Variants in SCFD2 observed in about 807,000 individuals in gnomAD.
The protein encoded by SCFD2 is sec1 family domain containing 2, also known as sec1 family domain-containing protein 2.
A neutral mutation model predicts 58.9 loss-of-function variants in SCFD2; 54 were observed. That is an observed-to-expected ratio of 0.92 (90% confidence interval 0.74 to 1.15). SCFD2 has a LOEUF of 1.15. Ranked by LOEUF, SCFD2 falls within the 50% of genes most tolerant of loss-of-function variation. The pLI, the probability that SCFD2 is intolerant of heterozygous loss-of-function variation, is 0.00. For missense variants in SCFD2, 805 were observed against 836.6 expected (o/e 0.96, Z 0.47); for synonymous variants, 321 against 335.9 (o/e 0.96, Z 0.49).
intron 5 of SCFD2, among the ~76,000 whole-genome samples, chr4:52,938,213 T>C (rs1470210201): frequency 6.6e-6 from 1 of 152,220 alleles, no homozygotes; most frequent in African/African-American, 2.4e-5. Flanking sequence ...CTCAGAGCTG[T>C]TCTATGAAGT....
At chr4:53,296,985 G>A (rs114046431) in intron 3 of SCFD2, among the ~76,000 whole-genome samples, 11,123 of 152,114 alleles carry the variant, frequency 0.073, 619 homozygotes, top group East Asian at 0.22. Context: ...TAATTTGATC[G>A]TACTGTGGTC....
chr4:53,143,173 A>G (rs1160260766), intron 5 of SCFD2, among the ~76,000 whole-genome samples: 1 of 152,240 alleles, frequency 6.6e-6, no homozygotes, highest in Non-Finnish European at 1.5e-5. Context: ...CCTTGAGTGA[A>G]TATCAAATGA....
chr4:53,110,034 G>A (rs894458221), intron 5 of SCFD2, among the ~76,000 whole-genome samples: 2 of 80,732 alleles, frequency 2.5e-5, no homozygotes, highest in Non-Finnish European at 5.9e-5. Context: ...CAGATATACA[G>A]ACCAATGGAA....
chr4:53,317,381 A>G (rs7685118), intron 2 of SCFD2, among the ~76,000 whole-genome samples: 151,292 of 152,280 alleles, frequency 0.99, 75,161 homozygotes, highest in Middle Eastern at 1. Context: ...ATTCACACAC[A>G]TACACCTATA....
At chr4:53,031,088 T>C (rs894615923) in intron 5 of SCFD2, among the ~76,000 whole-genome samples, 10 of 152,162 alleles carry the variant, frequency 6.6e-5, no homozygotes, top group Admixed American at 5.9e-4. Flanking sequence ...CAGAGGAAAG[T>C]CAGCAATCTT....
chr4:53,353,264 G>A (rs1252548543), intron 1 of SCFD2, among the ~76,000 whole-genome samples: 2 of 151,936 alleles, frequency 1.3e-5, no homozygotes, highest in Non-Finnish European at 2.9e-5. Flanking sequence ...GGAGTTGTTC[G>A]TTCCTCTCCT....
chr4:52,910,269 G>A (rs532763009), intron 6 of SCFD2, among the ~76,000 whole-genome samples: 1 of 152,288 alleles, frequency 6.6e-6, no homozygotes, highest in East Asian at 1.9e-4. Flanking sequence ...CTTCTCTGCT[G>A]GCTGGAATGT....
intron 5 of SCFD2, among the ~76,000 whole-genome samples, chr4:53,137,493 G>A (rs1725977683): frequency 6.6e-6 from 1 of 152,194 alleles, no homozygotes; most frequent in African/African-American, 2.4e-5. Flanking sequence ...ATACAACTGG[G>A]TATCCTAATG....
intron 3 of SCFD2, among the ~76,000 whole-genome samples, chr4:53,297,392 G>A (rs967692427): frequency 6.6e-6 from 1 of 151,846 alleles, no homozygotes; most frequent in Non-Finnish European, 1.5e-5. Flanking sequence ...ATTATGTAAT[G>A]CCCTTCTTCG....
chr4:53,305,866 T>G (rs567634182), intron 3 of SCFD2, among the ~76,000 whole-genome samples: 56 of 152,222 alleles, frequency 3.7e-4, no homozygotes, highest in Non-Finnish European at 7.6e-4. Flanking sequence ...TCAGTGTCAC[T>G]CTTGGATTCC....
At chr4:52,887,371 A>T (rs548843336) in intron 7 of SCFD2, among the ~76,000 whole-genome samples, 14 of 152,332 alleles carry the variant, frequency 9.2e-5, no homozygotes, top group Admixed American at 4.6e-4. Context: ...ATATTCTTAT[A>T]TACTAAAATG....
At chr4:53,097,049 G>C (rs1724671718) in intron 5 of SCFD2, among the ~76,000 whole-genome samples, 1 of 151,792 alleles carries the variant, frequency 6.6e-6, no homozygotes, top group Non-Finnish European at 1.5e-5. Flanking sequence ...ATTTCTGAGG[G>C]ATCTGTTCTG....
At chr4:53,027,853 TAAAG>T (rs923221524) in intron 5 of SCFD2, among the ~76,000 whole-genome samples, 1 of 150,434 alleles carries the variant, frequency 6.6e-6, no homozygotes, top group African/African-American at 2.4e-5. Flanking sequence ...AGAAAAACAA[TAAAG>T]AAAGAAAGTA....
chr4:53,220,236 A>G (rs942657820), intron 4 of SCFD2, among the ~76,000 whole-genome samples: 15 of 152,222 alleles, frequency 9.9e-5, no homozygotes, highest in African/African-American at 3.6e-4. Flanking sequence ...TGAAGAGCCA[A>G]TACAGCAAGG....
chr4:52,972,535 C>T (rs1378101364), intron 5 of SCFD2, among the ~76,000 whole-genome samples: 2 of 152,144 alleles, frequency 1.3e-5, no homozygotes, highest in Non-Finnish European at 2.9e-5. Context: ...TAGAGACCTA[C>T]AAAGAGACTT....
intron 4 of SCFD2, among the ~76,000 whole-genome samples, chr4:53,228,550 T>C (rs916374108): frequency 2.0e-5 from 3 of 152,032 alleles, no homozygotes; most frequent in East Asian, 1.9e-4. Flanking sequence ...AAATAAGATA[T>C]GCTTTGACAA....
At chr4:53,120,240 C>A (rs188120217) in intron 5 of SCFD2, among the ~76,000 whole-genome samples, 2 of 152,242 alleles carry the variant, frequency 1.3e-5, no homozygotes, top group Admixed American at 1.3e-4. Flanking sequence ...TTCTTAGTGG[C>A]ACATTTTTAT....
rs1577810644 is a variant in SCFD2 at position 53,180,303 on chromosome 4, C to G, written c.1312-34721G>C. 3.3e-5 allele frequency among the ~76,000 whole-genome samples: 5 copies of G among 152,318 alleles called. No homozygotes were observed. In the South Asian group the frequency reaches 1.0e-3, roughly 32 times the overall value. On this transcript the variant is annotated intron_variant, in intron 4 of 8. Transcript: ENST00000401642. ...GAACAGAAATTATAATAAACTGTCT[C>G]TCAGACCACAGTGCAATCAAACTAG...
chr4:53,151,900 G>A (rs552888003), intron 4 of SCFD2, among the ~76,000 whole-genome samples: 1 of 152,298 alleles, frequency 6.6e-6, no homozygotes, highest in South Asian at 2.1e-4. Context: ...CACATGATAA[G>A]AGAGAGCAAG....
Sources: gnomAD v4.1 joint callset for allele counts (sites outside exome capture counted in the v4.1 genomes callset) on GRCh38, gnomAD v4.1.1 for gene constraint, MANE v1.5 for transcripts, NCBI Gene and HGNC (gene_info 2026-07-23, HGNC 2026-07-21) for gene names.